Variants in FIGN observed in about 807,000 individuals in gnomAD.
The protein encoded by FIGN is fidgetin.
FIGN carries 11 observed loss-of-function variants against 51.3 expected under a neutral mutation model. The observed-to-expected ratio is 0.21, with a 90% confidence interval of 0.13 to 0.35. FIGN has a LOEUF of 0.35. Ranked by LOEUF, FIGN falls within the 10% of genes least tolerant of loss-of-function variation. FIGN has a pLI of 1.00. For synonymous variants in FIGN, 407 were observed against 363.2 expected (o/e 1.12, Z -1.37); for missense variants, 857 against 943.6 (o/e 0.91, Z 1.20).
chr2:163,724,934 G>T (rs889814322), intron 2 of FIGN, among the ~76,000 whole-genome samples: 1 of 151,758 alleles, frequency 6.6e-6, no homozygotes, highest in African/African-American at 2.4e-5. Flanking sequence ...AACTGATAAG[G>T]TTTTTTTTAC....
chr2:163,685,826 G>A (rs903661384), intron 2 of FIGN, among the ~76,000 whole-genome samples: 2 of 152,172 alleles, frequency 1.3e-5, no homozygotes, highest in African/African-American at 4.8e-5. Flanking sequence ...TATGGATATT[G>A]AAAGAGAACT....
intron 2 of FIGN, among the ~76,000 whole-genome samples, chr2:163,626,916 C>T (rs1378355327): frequency 6.6e-6 from 1 of 152,142 alleles, no homozygotes; most frequent in Non-Finnish European, 1.5e-5. Flanking sequence ...GAGACACTCC[C>T]ACCAGTGCCA....
At chr2:163,680,388 C>CA (rs1684041832) in intron 2 of FIGN, among the ~76,000 whole-genome samples, 1 of 152,130 alleles carries the variant, frequency 6.6e-6, no homozygotes, top group African/African-American at 2.4e-5. Context: ...AAACCAAGCA[C>CA]AAAATCTTAC....
intron 2 of FIGN, among the ~76,000 whole-genome samples, chr2:163,691,281 C>A (rs147156152): frequency 6.6e-6 from 1 of 152,174 alleles, no homozygotes; most frequent in South Asian, 2.1e-4. Context: ...AAAATTGATA[C>A]AATTACATTA....
chr2:163,714,804 C>T (rs1684643692), intron 2 of FIGN, among the ~76,000 whole-genome samples: 1 of 152,210 alleles, frequency 6.6e-6, no homozygotes, highest in Non-Finnish European at 1.5e-5. Flanking sequence ...GAAATCATGT[C>T]AGGCAGTTAG....
chr2:163,629,794 G>A (rs913139339), intron 2 of FIGN, among the ~76,000 whole-genome samples: 9 of 151,922 alleles, frequency 5.9e-5, no homozygotes, highest in African/African-American at 1.9e-4. Context: ...GCTCTAGGCT[G>A]AGGGGAAAGA....
chr2:163,676,923 A>T lies in FIGN; in HGVS notation c.25+57980T>A, dbSNP rs144019874. On this transcript the variant is annotated intron_variant, in intron 2 of 2. Coordinates refer to ENST00000333129, the MANE Select transcript of FIGN (RefSeq NM_018086.4). ...AAAATATGTATGCAAGGAAATATTA[A>T]TAAAGGCAGTAACTGATAACATGTA... is the stretch of plus-strand genomic sequence containing the variant. Among the ~76,000 whole-genome samples, 535 of 152,332 alleles carry T rather than the reference A, an allele frequency of 3.5e-3. 3 individuals are homozygous for T. Among genetic ancestry groups the T allele is most frequent in the African/African-American group, 0.012 (514 of 41,572 alleles).
intron 2 of FIGN, among the ~76,000 whole-genome samples, chr2:163,680,052 C>T (rs552932326): frequency 7.9e-5 from 12 of 152,296 alleles, no homozygotes; most frequent in East Asian, 3.9e-4. Flanking sequence ...GATTGCACTA[C>T]GCACTGCCTC....
intron 2 of FIGN, 119 bp from the exon 3 acceptor site, chr2:163,611,925 A>ATCACCG: frequency 3.8e-6 from 2 of 530,206 alleles, no homozygotes; most frequent in Non-Finnish European, 6.0e-6. Context: ...CATACTTTAA[A>ATCACCG]AGATCTACAC....
rs1175178405 is a variant in FIGN, at chr2:163,609,336, T to C, written c.*216A>G. 2 of 569,640 alleles carry C rather than the reference T, an allele frequency of 3.5e-6. No individual in the cohort carries two copies. The highest frequency in any genetic ancestry group is 6.2e-6 in the Non-Finnish European group (2 of 323,016). The allele number at this position is 569,640 out of a possible 1,614,324, so 35.3% of individuals were successfully genotyped here. On this transcript the variant is annotated 3_prime_UTR_variant, in exon 3 of 3. Transcript: ENST00000333129. Reference sequence around the variant, plus strand: ...GCTTGAACAGAACTGAGCATCCACATATGCTTTCTGTCATCTGGGGCTTTC... The same window carrying C: ...GCTTGAACAGAACTGAGCATCCACACATGCTTTCTGTCATCTGGGGCTTTC...
chr2:163,693,690 A>G (rs1684272104), intron 2 of FIGN, among the ~76,000 whole-genome samples: 3 of 152,140 alleles, frequency 2.0e-5, no homozygotes, highest in African/African-American at 7.2e-5. Flanking sequence ...AAAAGAACAC[A>G]TATGTGCTAG....
intron 2 of FIGN, 26 bp downstream of exon 2, chr2:163,734,877 G>A (rs1483109381): frequency 6.3e-7 from 1 of 1,597,006 alleles, no homozygotes; most frequent in Admixed American, 1.7e-5. Context: ...TAGATGCAAA[G>A]GAAGTAAATT....
intron 2 of FIGN, among the ~76,000 whole-genome samples, chr2:163,709,249 T>C (rs1684550628): frequency 6.6e-6 from 1 of 152,128 alleles, no homozygotes; most frequent in Non-Finnish European, 1.5e-5. Flanking sequence ...CTTTTTGAGG[T>C]GGAAGCCTTT....
chr2:163,635,102 G>A (rs1683205629), intron 2 of FIGN, among the ~76,000 whole-genome samples: 1 of 152,266 alleles, frequency 6.6e-6, no homozygotes, highest in East Asian at 1.9e-4. Context: ...TACCTACTAT[G>A]TGTATGCTTA....
chr2:163,660,774 C>CACGTATACATATATATGTATAT (rs1683647567), intron 2 of FIGN, among the ~76,000 whole-genome samples: 1 of 14,360 alleles, frequency 7.0e-5, no homozygotes, highest in African/African-American at 1.9e-4. Flanking sequence ...TATATGTATA[C>CACGTATACATATATATGTATAT]ACATATACAT....
chr2:163,668,173 TGACAAA>T (rs1014265529), intron 2 of FIGN, among the ~76,000 whole-genome samples: 3 of 152,098 alleles, frequency 2.0e-5, no homozygotes, highest in African/African-American at 7.2e-5. Flanking sequence ...AACCCATGAA[TGACAAA>T]GACTGTCTCA....
At position 163,609,801 on chromosome 2, in the gene FIGN, C is replaced by A; in HGVS notation, c.2031G>T (p.Glu677Asp). The change falls in exon 3 of 3, where the codon GAG becomes GAT. Residue 677 changes from glutamate to aspartate, a missense_variant. By Grantham distance (45) the Glu-to-Asp change is conservative. Transcript: ENST00000333129. ...SQHNYCLNDK[E>D]FALLVQRTEG... ...CTGTGCGCTGGACGAGCAGTGCAAACTCCTTGTCATTGAGACAGTAATTGT... is the reference window on the plus strand; with the variant it reads ...CTGTGCGCTGGACGAGCAGTGCAAAATCCTTGTCATTGAGACAGTAATTGT... The A allele has an allele frequency of 6.2e-7, 1 of 1,614,126 alleles. No individual in the cohort carries two copies. The highest frequency in any genetic ancestry group is 1.7e-5 in the Admixed American group (1 of 60,012).
rs557143566 is a variant in FIGN, at chr2:163,702,803, ACT to A, written c.25+32098_25+32099del. Among the ~76,000 whole-genome samples the A allele has an allele frequency of 2.1e-4, 32 of 152,274 alleles. No individual in the cohort carries two copies. In the South Asian group the frequency reaches 2.7e-3, roughly 13 times the overall value. On this transcript the variant is annotated intron_variant, in intron 2 of 2. Coordinates refer to ENST00000333129, the MANE Select transcript of FIGN (RefSeq NM_018086.4). ...AGAAGTTCTTTCCACCCCGAATAGT[ACT>A]GTTTCATTGCTGTAAACCTATATTT... is the stretch of plus-strand genomic sequence containing the variant.
rs1046963595 is a variant in FIGN at position 163,610,487 on chromosome 2, C to T, written c.1345G>A (p.Ala449Thr). ...SHPMQGPGLRAATSSNHSVDE... is the reference protein window; with the variant it reads ...SHPMQGPGLRTATSSNHSVDE... Reference sequence around the variant, plus strand: ...ACAGAGTGGTTGGATGAGGTAGCTGCACGGAGTCCAGGGCCTTGCATTGGG... The same window carrying T: ...ACAGAGTGGTTGGATGAGGTAGCTGTACGGAGTCCAGGGCCTTGCATTGGG... Residue 449 changes from alanine to threonine, a missense_variant, in exon 3 of 3, where the codon GCA becomes ACA. Coordinates refer to ENST00000333129, the MANE Select transcript of FIGN (RefSeq NM_018086.4). The T allele has an allele frequency of 6.8e-6, 11 of 1,614,016 alleles. No individual in the cohort carries two copies. The highest frequency in any genetic ancestry group is 8.5e-6 in the Non-Finnish European group (10 of 1,180,044).
Sources: allele counts gnomAD v4.1 joint callset (sites outside exome capture counted in the v4.1 genomes callset), GRCh38; gene constraint gnomAD v4.1.1; transcripts MANE v1.5; gene names NCBI Gene and HGNC (gene_info 2026-07-23, HGNC 2026-07-21).